SSB: variants seen among roughly 807,000 people sequenced by gnomAD.
SSB encodes the protein small RNA binding exonuclease protection factor La, also known as lupus La protein.
Under a neutral mutation model 52.9 loss-of-function variants are expected in SSB, and 17 were observed. The ratio of observed to expected loss-of-function variants is 0.32; its 90% CI spans 0.22 to 0.48. SSB has a LOEUF of 0.48. Ranked by LOEUF, SSB falls within the 20% of genes least tolerant of loss-of-function variation. The pLI is 0.99. For synonymous variants in SSB, 111 were observed against 152.1 expected, an observed-to-expected ratio of 0.73 and a Z score of 1.99; for missense variants, 314 against 463.6, an observed-to-expected ratio of 0.68 and a Z score of 2.96.
chr2:169,801,971 C>T (rs761664478), intron 2 of SSB, among the ~76,000 whole-genome samples: 2 of 152,002 alleles, frequency 1.3e-5, no homozygotes, highest in African/African-American at 2.4e-5. Flanking sequence ...GGCTTGAGTC[C>T]AGGAGTTAGA....
chr2:169,807,737 C>CTTTTTTTTTTTTTT lies in SSB; in HGVS notation c.554+676_554+689dup, dbSNP rs55845251. ...ATCTTATTTTTCATAGCCTATATGT[C>CTTTTTTTTTTTTTT]TTTTTTTTTTTTTTTTTTTTTTTAC... On this transcript the variant is annotated intron_variant, in intron 6 of 11. Coordinates refer to ENST00000260956, the MANE Select transcript of SSB (RefSeq NM_003142.5). 5.1e-4 allele frequency among the ~76,000 whole-genome samples: 38 copies of CTTTTTTTTTTTTTT among 74,044 alleles called. 2 individuals carry two copies. The highest frequency in any genetic ancestry group is 1.5e-3 in the East Asian group (3 of 2,048). 48.6% of individuals were successfully genotyped at this position (74,044 alleles called of 152,430 possible).
chr2:169,811,318 CAACTGG>C lies in SSB; in HGVS notation c.1134_1138+1del. ...CATGATGAACATGATGAAAATGGTG[CAACTGG>C]TAAGTTTTTTTTAAGTCCTTTGGTA... On this transcript the variant is annotated splice_donor_variant and coding_sequence_variant, in exon 11 of 12. Coordinates refer to ENST00000260956, the MANE Select transcript of SSB (RefSeq NM_003142.5). LOFTEE classifies it high-confidence loss of function. 1 of 1,574,934 alleles carries C rather than the reference CAACTGG, an allele frequency of 6.3e-7. No individual in the cohort carries two copies. Among genetic ancestry groups the C allele is most frequent in the Non-Finnish European group, 8.6e-7 (1 of 1,167,188 alleles).
chr2:169,804,289 G>T (rs1288580251), intron 2 of SSB, among the ~76,000 whole-genome samples: 3 of 131,712 alleles, frequency 2.3e-5, no homozygotes, highest in Non-Finnish European at 4.6e-5. Context: ...TTGTTGCCCA[G>T]GCTGGAGTAC....
rs1201532757 is a variant in SSB at position 169,805,649 on chromosome 2, T to C, written c.171-16T>C. ...GTGCTACTGCTGAGTCTTATGTTTT[T>C]ATATGTACTCTTCAGGTTGAACCGT... On this transcript the variant is annotated splice_polypyrimidine_tract_variant and intron_variant, in intron 3 of 11. Coordinates refer to ENST00000260956, the MANE Select transcript of SSB (RefSeq NM_003142.5). The C allele has an allele frequency of 6.8e-6, 11 of 1,613,258 alleles. No individual in the cohort carries two copies. Among genetic ancestry groups the C allele is most frequent in the Admixed American group, 1.7e-5 (1 of 59,828 alleles).
rs1018255514 is a variant in SSB, at chr2:169,805,755, T to C, written c.261T>C (p.Thr87=). The C allele has an allele frequency of 2.5e-6, 4 of 1,614,060 alleles. No individual in the cohort carries two copies. The African/African-American group carries it at 5.3e-5, about 22-fold the overall frequency. Residue 87 remains threonine (T), a synonymous_variant, in exon 4 of 12, where the codon ACT becomes ACC. Coordinates refer to ENST00000260956, the MANE Select transcript of SSB (RefSeq NM_003142.5). ...AELMEISEDK[T]KIRRSPSKPL... is the part of the protein sequence containing the mutation. ...TCATGGAAATCAGTGAAGATAAAAC[T>C]AAAATCAGAAGGTCTCCAAGCAAAC...
intron 2 of SSB, among the ~76,000 whole-genome samples, chr2:169,803,755 CAGAG>C (rs1050175538): frequency 4.6e-5 from 7 of 150,760 alleles, no homozygotes; most frequent in South Asian, 4.2e-4. Flanking sequence ...TTTTTTAAGA[CAGAG>C]AGACAGTATT....
chr2:169,811,456 T>C, intron 11 of SSB, 133 bp downstream of exon 11: 1 of 1,296,722 alleles, frequency 7.7e-7, no homozygotes, highest in South Asian at 1.6e-5. Context: ...TATTAACGAT[T>C]TACCTCGGTT....
At chr2:169,810,606 G>C in intron 9 of SSB, 183 bp downstream of exon 9, 1 of 687,324 alleles carries the variant, frequency 1.5e-6, no homozygotes, top group Non-Finnish European at 2.4e-6. Context: ...GTTTCTACTT[G>C]ATCATTTACT....
Position 169,811,710 on chromosome 2 carries a change from C to G in SSB, c.1181C>G (p.Pro394Arg). The G allele has an allele frequency of 6.2e-7, 1 of 1,613,246 alleles. No individual in the cohort carries two copies. The highest frequency in any genetic ancestry group is 1.1e-5 in the South Asian group (1 of 91,004). ...RAREETDKEE[P>R]ASKQQKTENG... ...AGAGAAGAAACAGACAAAGAAGAACCTGCATCCAAACAACAGAAAACAGAA... is the reference window on the plus strand; with the variant it reads ...AGAGAAGAAACAGACAAAGAAGAACGTGCATCCAAACAACAGAAAACAGAA... The change falls in exon 12 of 12, where the codon CCT becomes CGT. Residue 394 changes from proline to arginine, a missense_variant. Physicochemically the swap from Pro to Arg is moderately radical, Grantham distance 103. Transcript: ENST00000260956.
chr2:169,805,465 A>G lies in SSB; in HGVS notation c.67-9A>G. On this transcript the variant is annotated splice_polypyrimidine_tract_variant and intron_variant, in intron 2 of 11. Coordinates refer to ENST00000260956, the MANE Select transcript of SSB (RefSeq NM_003142.5). Reference sequence around the variant, plus strand: ...CAGTGTTCTGAAATACATTGTAATTATCTCACAGTATTATTTTGGCGACTT... The same window carrying G: ...CAGTGTTCTGAAATACATTGTAATTGTCTCACAGTATTATTTTGGCGACTT... 1 of 1,593,756 alleles carries G rather than the reference A, an allele frequency of 6.3e-7. No homozygotes were observed. Among genetic ancestry groups the G allele is most frequent in the Non-Finnish European group, 8.6e-7 (1 of 1,163,000 alleles).
In SSB at chr2:169,810,968, A is replaced by G; in HGVS notation, c.921A>G (p.Glu307=). 1 of 1,613,690 alleles carries G rather than the reference A, an allele frequency of 6.2e-7. No homozygotes were observed. The highest frequency in any genetic ancestry group is 8.5e-7 in the Non-Finnish European group (1 of 1,179,810). The change falls in exon 10 of 12, where the codon GAA becomes GAG. Residue 307 remains glutamate, a synonymous_variant. Coordinates refer to ENST00000260956, the MANE Select transcript of SSB (RefSeq NM_003142.5). The part of the protein sequence containing the change: ...RNKEVTWEVL[E]GEVEKEALKK... ...AAGAAGTGACTTGGGAAGTACTAGAAGGAGAGGTGGAAAAAGAAGCACTGA... is the reference window on the plus strand; with the variant it reads ...AAGAAGTGACTTGGGAAGTACTAGAGGGAGAGGTGGAAAAAGAAGCACTGA...
intron 6 of SSB, 44 bp from the exon 7 acceptor site, chr2:169,808,433 TCTTAA>T (rs780555398): frequency 2.1e-5 from 31 of 1,456,240 alleles, no homozygotes; most frequent in Non-Finnish European, 2.5e-5. Flanking sequence ...TAATCTGCAG[TCTTAA>T]CTTTGTTCTC....
At chr2:169,805,401 G>A in intron 2 of SSB, 73 bp from the exon 3 acceptor site, 1 of 1,062,436 alleles carries the variant, frequency 9.4e-7, no homozygotes, top group Non-Finnish European at 1.4e-6. Flanking sequence ...ACAGAACTTG[G>A]TACTGTAGAG....
chr2:169,811,949 T>G lies in SSB; in HGVS notation c.*193T>G. ...TGAATGTATTGTTCTGTTTGTGTTA[T>G]TTCAGATGATTCAAATATCAAAAGG... On this transcript the variant is annotated 3_prime_UTR_variant, in exon 12 of 12. Transcript: ENST00000260956. The G allele has an allele frequency of 7.2e-7, 1 of 1,386,728 alleles. No individual in the cohort carries two copies. The highest frequency in any genetic ancestry group is 1.0e-6 in the Non-Finnish European group (1 of 1,000,800). 85.9% of individuals were successfully genotyped at this position (1,386,728 alleles called of 1,614,324 possible).
At chr2:169,804,022 G>T (rs1689768191) in intron 2 of SSB, among the ~76,000 whole-genome samples, 1 of 151,956 alleles carries the variant, frequency 6.6e-6, no homozygotes, top group Admixed American at 6.6e-5. Flanking sequence ...TATGGGCTTG[G>T]GCCACCGTGC....
In SSB at chr2:169,810,409, AGAG is replaced by A. The variant is rs1689923271; in HGVS notation, c.800_802del (p.Gly267del). The A allele has an allele frequency of 6.2e-7, 1 of 1,608,086 alleles. No individual in the cohort carries two copies. The highest frequency in any genetic ancestry group is 1.3e-5 in the African/African-American group (1 of 74,656). On this transcript the variant is annotated inframe_deletion, in exon 9 of 12. Transcript: ENST00000260956. Reference sequence around the variant, plus strand: ...TGAAATAAAATGGATAGACTTCGTCAGAGGAGCAAAAGAGGTTTGGATACATCC... The same window carrying A: ...TGAAATAAAATGGATAGACTTCGTCAGAGCAAAAGAGGTTTGGATACATCC...
At position 169,805,837 on chromosome 2, in the gene SSB, A is replaced by G. The variant is rs557065020; in HGVS notation, c.343A>G (p.Ile115Val). Reference sequence around the variant, plus strand: ...TGATGTAAAAAACAGATCTGTTTATATTGTAAGTGGGCCTGTAATGCATTT... The same window carrying G: ...TGATGTAAAAAACAGATCTGTTTATGTTGTAAGTGGGCCTGTAATGCATTT... ...KNDVKNRSVY[I>V]KGFPTDATLD... Residue 115 changes from isoleucine (I) to valine (V), a missense_variant and splice_region_variant, in exon 4 of 12, where the codon ATT (isoleucine) becomes GTT (valine). Coordinates refer to ENST00000260956, the MANE Select transcript of SSB (RefSeq NM_003142.5). 46 of 1,612,240 alleles carry G rather than the reference A, an allele frequency of 2.9e-5. No homozygotes were observed. Among genetic ancestry groups the G allele is most frequent in the Middle Eastern group, 1.7e-4 (1 of 6,050 alleles).
chr2:169,804,451 A>G (rs376255179), intron 2 of SSB, among the ~76,000 whole-genome samples: 1 of 151,242 alleles, frequency 6.6e-6, no homozygotes, highest in African/African-American at 2.4e-5. Flanking sequence ...GGGTCTTGCC[A>G]TGTTGCCCAG....
At chr2:169,810,757 C>CA in intron 9 of SSB, 101 bp from the exon 10 acceptor site, 1 of 1,146,578 alleles carries the variant, frequency 8.7e-7, no homozygotes, top group Non-Finnish European at 1.2e-6. Context: ...CTGGTAAAGA[C>CA]ATGGAAGGTT....
Sources: gnomAD v4.1 joint callset for allele counts (sites outside exome capture counted in the v4.1 genomes callset) on GRCh38, gnomAD v4.1.1 for gene constraint, MANE v1.5 for transcripts, NCBI Gene and HGNC (gene_info 2026-07-23, HGNC 2026-07-21) for gene names.